The following PAK3 variants were observed in gnomAD, a reference collection of about 807,000 sequenced individuals.
PAK3 encodes serine/threonine-protein kinase PAK 3.
In PAK3, 4 loss-of-function variants were observed where a neutral mutation model predicts 41.0. The observed-to-expected ratio is 0.10, with a 90% confidence interval of 0.05 to 0.22. The LOEUF (loss-of-function observed/expected upper bound fraction) is 0.22, where lower values mean the gene tolerates loss of function less well. Ranked by LOEUF, PAK3 falls within the 10% of genes least tolerant of loss-of-function variation. The pLI is 1.00. For missense variants in PAK3, 205 were observed against 409.9 expected, an observed-to-expected ratio of 0.50 and a Z score of 4.32; for synonymous variants, 146 against 139.6, an observed-to-expected ratio of 1.05 and a Z score of -0.32.
At chrX:111,116,856 G>A (rs906204570) in intron 4 of PAK3, among the ~76,000 whole-genome samples, 2 of 112,475 alleles carry the variant, frequency 1.8e-5, no homozygotes, top group African/African-American at 6.5e-5. Flanking sequence ...CTAGGTGGCT[G>A]TAAAAAGAGC....
intron 8 of PAK3, among the ~76,000 whole-genome samples, chrX:111,161,583 G>A (rs1451401593): frequency 9.0e-6 from 1 of 110,724 alleles, no homozygotes; most frequent in African/African-American, 3.3e-5. Context: ...TTTCTTCCAG[G>A]GTTTTTATGG....
Position 111,220,635 on chromosome X carries a change from G to A in PAK3, c.*188G>A, listed in dbSNP as rs1313006261. On this transcript the variant is annotated 3_prime_UTR_variant, in exon 18 of 18. Coordinates refer to ENST00000372007, the MANE Select transcript of PAK3 (RefSeq NM_002578.5). ...TGTAATTTATTTGTAAGCCTGAATC[G>A]CAGCCCAAACAGGGCAGCAATGTTG... 3 of 454,953 alleles carry A rather than the reference G, an allele frequency of 6.6e-6. No individual in the cohort carries two copies. The highest frequency in any genetic ancestry group is 1.2e-5 in the Non-Finnish European group (3 of 257,566). The allele number at this position is 454,953 out of a possible 1,213,427, so 37.5% of individuals were successfully genotyped here. A position where few individuals can be genotyped will look rare whatever the true frequency, so the allele number is the denominator to read the frequency against.
chrX:111,151,891 G>A (rs1265561952), intron 7 of PAK3, among the ~76,000 whole-genome samples: 1 of 112,025 alleles, frequency 8.9e-6, no homozygotes, highest in Non-Finnish European at 1.9e-5. Context: ...GGCTGGTAGT[G>A]TAAACAGAGT....
At chrX:110,949,390 T>C (rs904556522) in intron 1 of PAK3, among the ~76,000 whole-genome samples, 6 of 111,875 alleles carry the variant, frequency 5.4e-5, no homozygotes, top group Non-Finnish European at 7.5e-5. Flanking sequence ...GATTTGATCA[T>C]CCTAGTCCTT....
At chrX:110,972,365 A>T (rs1313779009) in intron 1 of PAK3, among the ~76,000 whole-genome samples, 3 of 111,639 alleles carry the variant, frequency 2.7e-5, no homozygotes, top group Non-Finnish European at 5.6e-5. Flanking sequence ...CAGAGGAAGG[A>T]TCAGGCAGGA....
chrX:111,047,292 G>T (rs2092509037), intron 1 of PAK3, among the ~76,000 whole-genome samples: 1 of 111,481 alleles, frequency 9.0e-6, no homozygotes, highest in African/African-American at 3.3e-5. Flanking sequence ...GGGGAGATAA[G>T]ACATATAGTC....
At chrX:111,193,334 T>A (rs964915944) in intron 13 of PAK3, among the ~76,000 whole-genome samples, 1 of 105,885 alleles carries the variant, frequency 9.4e-6, no homozygotes, top group Admixed American at 1.0e-4. Context: ...AAAAGAGGGT[T>A]AAATTTTACA....
intron 1 of PAK3, among the ~76,000 whole-genome samples, chrX:110,991,131 C>CAAA (rs55734763): frequency 1.0e-5 from 1 of 97,375 alleles, no homozygotes; most frequent in African/African-American, 3.8e-5. Flanking sequence ...GACCCTGTCT[C>CAAA]AAAAAAAAAA....
chrX:111,042,850 C>A lies in PAK3; in HGVS notation c.-27-80227C>A, dbSNP rs372839401. ...TTAAACTATAAAGGCAAGGCTGCAT[C>A]TGTTTTATGTCCCTTTCCCCTCATG... On this transcript the variant is annotated intron_variant, in intron 1 of 14. Transcript: ENST00000425146. Among the ~76,000 whole-genome samples, 311 of 112,365 alleles carry A rather than the reference C, an allele frequency of 2.8e-3. 2 individuals are homozygous for A. Among genetic ancestry groups the A allele is most frequent in the African/African-American group, 9.7e-3 (302 of 30,997 alleles).
intron 6 of PAK3, among the ~76,000 whole-genome samples, chrX:111,147,405 G>A (rs1453485839): frequency 9.1e-6 from 1 of 109,876 alleles, no homozygotes; most frequent in African/African-American, 3.3e-5. Flanking sequence ...GCCCTGAGTC[G>A]CCAGAAAAAA....
intron 1 of PAK3, among the ~76,000 whole-genome samples, chrX:111,077,421 C>T (rs769701801): frequency 6.3e-5 from 7 of 111,797 alleles, no homozygotes; most frequent in Non-Finnish European, 9.4e-5. Context: ...TCACAAAACT[C>T]TATTAATCAA....
At chrX:110,954,128 A>G (rs1042236542) in intron 1 of PAK3, among the ~76,000 whole-genome samples, 14 of 111,660 alleles carry the variant, frequency 1.3e-4, no homozygotes, top group African/African-American at 4.6e-4. Context: ...CTAAATGCCA[A>G]AAAGAAAGGA....
Position 110,963,940 on chromosome X carries a change from A to G in PAK3, c.-28+19312A>G, listed in dbSNP as rs138996801. Among the ~76,000 whole-genome samples the G allele has an allele frequency of 4.0e-3, 447 of 112,312 alleles. 2 individuals carry two copies. Among genetic ancestry groups the G allele is most frequent in the Middle Eastern group, 0.018 (4 of 217 alleles). The stretch of plus-strand genomic sequence containing the variant: ...CACAGAGCATAAGGAGAAGTAAAGG[A>G]GCCTTCCTGATACACAACTGGGCAA... On this transcript the variant is annotated intron_variant, in intron 1 of 14. Coordinates refer to the PAK3 transcript ENST00000425146.
chrX:111,068,206 G>A (rs1218673635), intron 1 of PAK3, among the ~76,000 whole-genome samples: 8 of 111,374 alleles, frequency 7.2e-5, no homozygotes, highest in Non-Finnish European at 1.3e-4. Flanking sequence ...AAACAGTCTC[G>A]TTTTATGGAT....
chrX:111,200,504 C>A (rs2033926755), intron 16 of PAK3, among the ~76,000 whole-genome samples: 1 of 112,149 alleles, frequency 8.9e-6, no homozygotes, highest in African/African-American at 3.2e-5. Context: ...GCCTTCAGGG[C>A]TGAGTGGAAA....
intron 1 of PAK3, among the ~76,000 whole-genome samples, chrX:110,993,254 T>G (rs139757158): frequency 0.016 from 1,777 of 111,943 alleles, 34 homozygotes; most frequent in African/African-American, 0.055. Context: ...TTTTTTAGTT[T>G]GTTTATTTGT....
At chrX:110,964,881 T>TGCTGGCTG (rs1481241999) in intron 1 of PAK3, among the ~76,000 whole-genome samples, 1 of 111,128 alleles carries the variant, frequency 9.0e-6, no homozygotes, top group Non-Finnish European at 1.9e-5. Flanking sequence ...CTGGCTGGCT[T>TGCTGGCTG]GCTGGCTGGC....
chrX:111,049,400 T>A (rs2092533541), intron 1 of PAK3, among the ~76,000 whole-genome samples: 1 of 112,398 alleles, frequency 8.9e-6, no homozygotes, highest in Non-Finnish European at 1.9e-5. Flanking sequence ...TATTCACCCT[T>A]GTATCTCCCA....
chrX:110,945,827 C>A (rs1012187547), intron 1 of PAK3, among the ~76,000 whole-genome samples: 1 of 111,472 alleles, frequency 9.0e-6, no homozygotes, highest in Non-Finnish European at 1.9e-5. Flanking sequence ...AACTGCTAAA[C>A]CTTCTCTTTG....
Sources: gnomAD v4.1 joint callset for allele counts (sites outside exome capture counted in the v4.1 genomes callset) on GRCh38, gnomAD v4.1.1 for gene constraint, MANE v1.5 for transcripts, NCBI Gene and HGNC (gene_info 2026-07-23, HGNC 2026-07-21) for gene names.